The following TGFB2 variants were observed in gnomAD, a reference collection of about 807,000 sequenced individuals.
The protein encoded by TGFB2 is transforming growth factor beta-2 proprotein.
Under a neutral mutation model 42.7 loss-of-function variants are expected in TGFB2, and 13 were observed. The ratio of observed to expected loss-of-function variants is 0.30; its 90% CI spans 0.20 to 0.48. TGFB2 has a LOEUF of 0.48. Ranked by LOEUF, TGFB2 falls within the 20% of genes least tolerant of loss-of-function variation. TGFB2 has a pLI of 0.99. For missense variants in TGFB2, 390 were observed against 517.5 expected (o/e 0.75, Z 2.39); for synonymous variants, 193 against 193.6 (o/e 1.00, Z 0.03).
intron 1 of TGFB2, among the ~76,000 whole-genome samples, chr1:218,351,634 G>A (rs956012324): frequency 7.2e-5 from 11 of 152,224 alleles, no homozygotes; most frequent in Middle Eastern, 3.4e-3. Flanking sequence ...CTCTCCTGAG[G>A]AGACCCCACC....
chr1:218,399,297 G>A (rs921199188), intron 1 of TGFB2, among the ~76,000 whole-genome samples: 4 of 152,054 alleles, frequency 2.6e-5, no homozygotes, highest in African/African-American at 9.6e-5. Flanking sequence ...CGTTTTCAAA[G>A]GGGATGGATA....
chr1:218,432,467 C>CT (rs1286453211), intron 2 of TGFB2, among the ~76,000 whole-genome samples: 1 of 152,094 alleles, frequency 6.6e-6, no homozygotes, highest in Admixed American at 6.5e-5. Context: ...AATCTCCTTC[C>CT]TTTTCTATAT....
chr1:218,443,449 G>C lies in TGFB2; in HGVS notation c.*2087G>C, dbSNP rs1402506170. The C allele has an allele frequency of 3.9e-5, 6 of 152,166 alleles. No individual in the cohort carries two copies. Among genetic ancestry groups the C allele is most frequent in the African/African-American group, 1.4e-4 (6 of 41,446 alleles). The allele number at this position is 152,166 out of a possible 1,614,324, so 9.4% of individuals were successfully genotyped here. A position where few individuals can be genotyped will look rare whatever the true frequency, so the allele number is the denominator to read the frequency against. On this transcript the variant is annotated 3_prime_UTR_variant, in exon 7 of 7. Coordinates refer to ENST00000366930, the MANE Select transcript of TGFB2 (RefSeq NM_003238.6). ...GACCATTAATTAAAGAATTGGATTT[G>C]CAAGTTTGAAAACTGGAAAAGCAAG... is the stretch of plus-strand genomic sequence containing the variant.
intron 1 of TGFB2, 21 bp from the exon 2 acceptor site, chr1:218,405,148 G>T: frequency 6.4e-7 from 1 of 1,554,914 alleles, no homozygotes; most frequent in Non-Finnish European, 8.7e-7. Context: ...CATTTTCAAT[G>T]ATTGCCCTAA....
intron 1 of TGFB2, among the ~76,000 whole-genome samples, chr1:218,386,958 G>A (rs557589038): frequency 3.9e-5 from 6 of 152,040 alleles, no homozygotes; most frequent in South Asian, 2.1e-4. Flanking sequence ...TGCTGTTCCC[G>A]TCTATCAAGG....
At chr1:218,415,694 C>CAAAAAAAAAAAAA (rs779476856) in intron 2 of TGFB2, among the ~76,000 whole-genome samples, 2 of 40,132 alleles carry the variant, frequency 5.0e-5, no homozygotes, top group Non-Finnish European at 9.2e-5. Flanking sequence ...GACTCTGTCT[C>CAAAAAAAAAAAAA]AAAAGAAAAA....
chr1:218,396,793 T>C (rs1343471651), intron 1 of TGFB2, among the ~76,000 whole-genome samples: 1 of 152,118 alleles, frequency 6.6e-6, no homozygotes, highest in Non-Finnish European at 1.5e-5. Context: ...AACTAGACTT[T>C]TAGGGACTTC....
intron 2 of TGFB2, among the ~76,000 whole-genome samples, chr1:218,420,768 G>A (rs891353259): frequency 6.6e-6 from 1 of 152,144 alleles, no homozygotes; most frequent in African/African-American, 2.4e-5. Context: ...GTATATCAAT[G>A]TGTAATACTC....
Position 218,441,199 on chromosome 1 carries a change from T to C in TGFB2, c.1087-5T>C, listed in dbSNP as rs756011721. ...TGTTGTCTCTCCTCTCCTGTGTCCTTTCAGGTCCTGAGCTTATATAATACC... is the reference window on the plus strand; with the variant it reads ...TGTTGTCTCTCCTCTCCTGTGTCCTCTCAGGTCCTGAGCTTATATAATACC... On this transcript the variant is annotated splice_polypyrimidine_tract_variant and splice_region_variant and intron_variant, in intron 6 of 6. Coordinates refer to ENST00000366930, the MANE Select transcript of TGFB2 (RefSeq NM_003238.6). 5.6e-6 allele frequency: 9 copies of C among 1,603,112 alleles called. No individual in the cohort carries two copies. The highest frequency in any genetic ancestry group is 7.6e-6 in the Non-Finnish European group (9 of 1,177,502).
At chr1:218,387,904 G>A (rs1658189587) in intron 1 of TGFB2, among the ~76,000 whole-genome samples, 1 of 152,146 alleles carries the variant, frequency 6.6e-6, no homozygotes, top group Non-Finnish European at 1.5e-5. Context: ...TATTTGAAAG[G>A]GTTCACCATG....
At position 218,405,343 on chromosome 1, in the gene TGFB2, TTTGTTG is replaced by T. The variant is rs10482769; in HGVS notation, c.510+38_510+43del. 4.1e-4 allele frequency: 612 copies of T among 1,507,298 alleles called. No individual in the cohort carries two copies. The highest frequency in any genetic ancestry group is 5.3e-4 in the Middle Eastern group (3 of 5,684). 93.4% of individuals were successfully genotyped at this position (1,507,298 alleles called of 1,614,324 possible). On this transcript the variant is annotated intron_variant, in intron 2 of 6. Coordinates refer to ENST00000366930, the MANE Select transcript of TGFB2 (RefSeq NM_003238.6). ...ATTGAGCTATATCAGGTAATGTTCA[TTTGTTG>T]TTGTTGTTGTTGTTGTTGTTGTTGT...
intron 2 of TGFB2, among the ~76,000 whole-genome samples, chr1:218,412,677 A>G (rs1410576200): frequency 2.0e-5 from 3 of 152,134 alleles, no homozygotes; most frequent in Non-Finnish European, 4.4e-5. Context: ...AATGTCTATG[A>G]CGGCCAGGTG....
At chr1:218,380,327 TA>T (rs373664829) in intron 1 of TGFB2, among the ~76,000 whole-genome samples, 42 of 152,302 alleles carry the variant, frequency 2.8e-4, no homozygotes, top group African/African-American at 9.1e-4. Flanking sequence ...CCACCTGGCC[TA>T]AAATGTGTAA....
chr1:218,381,546 G>T (rs959961254), intron 1 of TGFB2, among the ~76,000 whole-genome samples: 1 of 152,154 alleles, frequency 6.6e-6, no homozygotes, highest in Non-Finnish European at 1.5e-5. Context: ...GAGCCACAGC[G>T]CCCGACTGAA....
At chr1:218,436,233 A>T (rs1011074533) in intron 5 of TGFB2, 86 bp downstream of exon 5, 1 of 1,418,304 alleles carries the variant, frequency 7.1e-7, no homozygotes. Context: ...GTATTGACCC[A>T]AGTGGAACTC....
At chr1:218,392,174 C>A (rs1193187596) in intron 1 of TGFB2, among the ~76,000 whole-genome samples, 1 of 152,084 alleles carries the variant, frequency 6.6e-6, no homozygotes, top group African/African-American at 2.4e-5. Context: ...ATACGTGAAA[C>A]CCCATCTCTA....
In TGFB2 at chr1:218,346,950, C is replaced by T; in HGVS notation, c.249C>T (p.Ser83=). The stretch of plus-strand genomic sequence containing the variant: ...GGGACTTGCTCCAGGAGAAGGCGAG[C>T]CGGAGGGCGGCCGCCTGCGAGCGCG... ...STRDLLQEKA[S]RRAAACERER... The change falls in exon 1 of 7, where the codon AGC becomes AGT. Residue 83 remains serine (S), a synonymous_variant. Coordinates refer to ENST00000366930, the MANE Select transcript of TGFB2 (RefSeq NM_003238.6). This position sits in a 1 kb window ranked among gnomAD's most constrained non-coding sequence, Gnocchi z 4.9. 1 of 1,614,014 alleles carries T rather than the reference C, an allele frequency of 6.2e-7. No individual in the cohort carries two copies.
At chr1:218,353,535 A>G (rs888239615) in intron 1 of TGFB2, among the ~76,000 whole-genome samples, 3 of 152,116 alleles carry the variant, frequency 2.0e-5, no homozygotes, top group Non-Finnish European at 4.4e-5. Flanking sequence ...TGGGCCATTT[A>G]TTTTCATGCC....
At chr1:218,381,260 T>TG (rs1657950991) in intron 1 of TGFB2, among the ~76,000 whole-genome samples, 1 of 143,684 alleles carries the variant, frequency 7.0e-6, no homozygotes, top group Non-Finnish European at 1.5e-5. Context: ...TTGTTTTTGT[T>TG]TTTTTTTTTT....
Sources: gnomAD v4.1 joint callset for allele counts (sites outside exome capture counted in the v4.1 genomes callset) on GRCh38, gnomAD v4.1.1 for gene constraint, Gnocchi (gnomAD v3.1) non-coding constraint, MANE v1.5 for transcripts, NCBI Gene and HGNC (gene_info 2026-07-23, HGNC 2026-07-21) for gene names.